Variants in SORCS2 observed in about 807,000 individuals in gnomAD.
The protein encoded by SORCS2 is sortilin related VPS10 domain containing receptor 2.
SORCS2 carries 100 observed loss-of-function variants against 141.6 expected under a neutral mutation model. The ratio of observed to expected loss-of-function variants is 0.71; its 90% CI spans 0.60 to 0.83. The LOEUF is 0.83. SORCS2 is among the 40% of genes least tolerant of loss of function. The pLI is 0.00. For synonymous variants in SORCS2, 789 were observed against 676.9 expected, an observed-to-expected ratio of 1.17 and a Z score of -2.57; for missense variants, 1,646 against 1,560.2, an observed-to-expected ratio of 1.05 and a Z score of -0.93.
At chr4:7,672,972 G>A (rs946970239) in intron 8 of SORCS2, among the ~76,000 whole-genome samples, 1 of 152,042 alleles carries the variant, frequency 6.6e-6, no homozygotes, top group African/African-American at 2.4e-5. Context: ...GTTTCCTTCC[G>A]CATATTTCTC....
At chr4:7,690,846 A>G (rs1724199298) in intron 11 of SORCS2, among the ~76,000 whole-genome samples, 1 of 152,206 alleles carries the variant, frequency 6.6e-6, no homozygotes, top group Admixed American at 6.5e-5. Flanking sequence ...ACCCAAAATT[A>G]TAATTTTTGT....
At chr4:7,432,522 G>C (rs1463995661) in intron 2 of SORCS2, 4 of 152,250 alleles carry the variant, frequency 2.6e-5, no homozygotes, top group Admixed American at 1.3e-4. Flanking sequence ...TCCACATCCC[G>C]GTGGCCACCC....
intron 2 of SORCS2, among the ~76,000 whole-genome samples, chr4:7,462,312 G>A (rs1435457267): frequency 6.6e-6 from 1 of 152,206 alleles, no homozygotes. Flanking sequence ...AGCAAATCAC[G>A]TACCTTCATG....
rs1042715470 is a variant in SORCS2 at position 7,485,422 on chromosome 4, T to A, written c.549-46108T>A. Among the ~76,000 whole-genome samples the A allele has an allele frequency of 4.6e-5, 7 of 152,322 alleles. No individual in the cohort carries two copies. In the East Asian group the frequency reaches 1.4e-3, roughly 29 times the overall value. ...CTGGCTCAGGCTCTGCTGAGGCTAC[T>A]CCACCCACACCAGGTTGGCTCTGTG... On this transcript the variant is annotated intron_variant, in intron 2 of 26. Transcript: ENST00000507866.
intron 2 of SORCS2, among the ~76,000 whole-genome samples, chr4:7,406,247 T>C (rs192367963): frequency 1.4e-4 from 21 of 148,184 alleles, no homozygotes; most frequent in African/African-American, 4.9e-4. Flanking sequence ...GCTGGCTTCA[T>C]AGAATGAGTT....
rs527398489 is a variant in SORCS2, at chr4:7,376,269, A to T, written c.481-20019A>T. Among the ~76,000 whole-genome samples the T allele has an allele frequency of 6.0e-3, 525 of 87,268 alleles. 3 individuals carry two copies. Among genetic ancestry groups the T allele is most frequent in the Non-Finnish European group, 7.5e-3 (318 of 42,478 alleles). 57.3% of individuals were successfully genotyped at this position (87,268 alleles called of 152,430 possible). ...TTATAGAAAAGCTGGAAAATATGCA[A>T]AGAGTAAAAAAAAAAAAAAAATACT... On this transcript the variant is annotated intron_variant, in intron 1 of 26. Transcript: ENST00000507866.
chr4:7,495,586 A>G (rs1485573701), intron 2 of SORCS2, among the ~76,000 whole-genome samples: 1 of 152,158 alleles, frequency 6.6e-6, no homozygotes, highest in Non-Finnish European at 1.5e-5. Context: ...CTCCTTGTAC[A>G]TCATGGAAAT....
intron 3 of SORCS2, among the ~76,000 whole-genome samples, chr4:7,625,404 A>T (rs1719452282): frequency 6.6e-6 from 1 of 152,058 alleles, no homozygotes; most frequent in Non-Finnish European, 1.5e-5. Context: ...AGACAAGAAC[A>T]TCTCCCACAT....
At chr4:7,613,554 G>A (rs970710188) in intron 3 of SORCS2, among the ~76,000 whole-genome samples, 1 of 152,144 alleles carries the variant, frequency 6.6e-6, no homozygotes, top group African/African-American at 2.4e-5. Flanking sequence ...AGTTAGCCTT[G>A]GAGAAAGTGG....
At chr4:7,456,051 C>T (rs368144213) in intron 2 of SORCS2, among the ~76,000 whole-genome samples, 9 of 152,142 alleles carry the variant, frequency 5.9e-5, no homozygotes, top group African/African-American at 1.7e-4. Context: ...CCTCCCTCCC[C>T]GGCTTGCAGA....
chr4:7,625,880 T>G (rs1269284028), intron 3 of SORCS2, among the ~76,000 whole-genome samples: 2 of 150,274 alleles, frequency 1.3e-5, no homozygotes, highest in Admixed American at 6.6e-5. Flanking sequence ...GGCTCACATC[T>G]GTGATCTCAG....
At chr4:7,661,952 C>T (rs1258565867) in intron 6 of SORCS2, among the ~76,000 whole-genome samples, 1 of 152,104 alleles carries the variant, frequency 6.6e-6, no homozygotes, top group Non-Finnish European at 1.5e-5. Flanking sequence ...CAGGAGGGTG[C>T]TCTGAGGAGG....
intron 3 of SORCS2, among the ~76,000 whole-genome samples, chr4:7,538,587 T>TCACACACACA (rs34526550): frequency 2.3e-4 from 34 of 150,688 alleles, no homozygotes; most frequent in African/African-American, 7.8e-4. Context: ...AATATTAAAA[T>TCACACACACA]CACACACACA....
chr4:7,511,012 C>T (rs1217775890), intron 2 of SORCS2, among the ~76,000 whole-genome samples: 1 of 152,214 alleles, frequency 6.6e-6, no homozygotes, highest in Non-Finnish European at 1.5e-5. Context: ...GAAGAGAAGG[C>T]CACATATGGT....
intron 2 of SORCS2, among the ~76,000 whole-genome samples, chr4:7,493,181 G>A (rs953576431): frequency 2.0e-5 from 3 of 152,214 alleles, no homozygotes; most frequent in African/African-American, 4.8e-5. Context: ...GAGAATCTCA[G>A]GTGGGAGGGT....
chr4:7,362,953 CCACCATCAT>C (rs1166748079), intron 1 of SORCS2, among the ~76,000 whole-genome samples: 1 of 104,022 alleles, frequency 9.6e-6, no homozygotes, highest in East Asian at 2.4e-4. Flanking sequence ...ATCACCATCA[CCACCATCAT>C]TACTGCAATC....
intron 1 of SORCS2, among the ~76,000 whole-genome samples, chr4:7,228,254 G>C (rs986353956): frequency 2.0e-5 from 3 of 151,404 alleles, no homozygotes; most frequent in Non-Finnish European, 4.4e-5. Flanking sequence ...AGTCACGTTG[G>C]GTCAGGGCCC....
chr4:7,704,993 CTGAGA>C (rs1369238879), intron 14 of SORCS2, among the ~76,000 whole-genome samples: 1 of 151,274 alleles, frequency 6.6e-6, no homozygotes, highest in East Asian at 2.0e-4. Flanking sequence ...ACGGTGATGC[CTGAGA>C]TATCTGAATA....
chr4:7,718,419 G>T (rs998741851), intron 18 of SORCS2, among the ~76,000 whole-genome samples: 1 of 152,222 alleles, frequency 6.6e-6, no homozygotes, highest in Non-Finnish European at 1.5e-5. Context: ...GGACGTAGGG[G>T]GTATTAGGGT....
Sources: gnomAD v4.1 joint callset for allele counts (sites outside exome capture counted in the v4.1 genomes callset) on GRCh38, gnomAD v4.1.1 for gene constraint, MANE v1.5 for transcripts, NCBI Gene and HGNC (gene_info 2026-07-23, HGNC 2026-07-21) for gene names.